The following NAV2 variants were observed in gnomAD, a reference collection of about 807,000 sequenced individuals.
The protein encoded by NAV2 is helicase, APC down-regulated 1.
In NAV2, 54 loss-of-function variants were observed where a neutral mutation model predicts 223.2. The ratio of observed to expected loss-of-function variants is 0.24; its 90% CI spans 0.19 to 0.30. NAV2 has a LOEUF of 0.30. Among genes scored for constraint, NAV2 ranks in the 10% least tolerant of loss-of-function variants. The probability of loss-of-function intolerance (pLI) is 1.00; values close to 1 mark genes in which losing one functional copy is unlikely to be tolerated. For synonymous variants in NAV2, 1,279 were observed against 1,239.3 expected, an observed-to-expected ratio of 1.03 and a Z score of -0.67; for missense variants, 2,806 against 3,147.5, an observed-to-expected ratio of 0.89 and a Z score of 2.60.
intron 1 of NAV2, among the ~76,000 whole-genome samples, chr11:19,599,493 T>C (rs1180372172): frequency 6.6e-6 from 1 of 152,228 alleles, no homozygotes; most frequent in East Asian, 1.9e-4. Flanking sequence ...AGGCGTTCTT[T>C]GAAGGTACAA....
Position 19,553,587 on chromosome 11 carries a change from C to T in NAV2, c.75+202560C>T, listed in dbSNP as rs73420194. On this transcript the variant is annotated intron_variant, in intron 1 of 37. Coordinates refer to the NAV2 transcript ENST00000360655. ...GGCACTGACCAGCTGATTTTCAATG[C>T]CTAGGAAATGGGAGCTTGGGCTGCG... is the stretch of plus-strand genomic sequence containing the variant. 5.0e-3 allele frequency among the ~76,000 whole-genome samples: 766 copies of T among 152,332 alleles called. 8 individuals are homozygous for T. The highest frequency in any genetic ancestry group is 0.018 in the African/African-American group (735 of 41,576).
intron 1 of NAV2, among the ~76,000 whole-genome samples, chr11:19,570,738 C>T (rs1397955752): frequency 6.6e-6 from 1 of 152,134 alleles, no homozygotes; most frequent in African/African-American, 2.4e-5. Flanking sequence ...CATGAAATAC[C>T]ACTTCACACA....
intron 1 of NAV2, among the ~76,000 whole-genome samples, chr11:19,490,851 T>C (rs1009817938): frequency 1.3e-5 from 2 of 152,208 alleles, no homozygotes; most frequent in African/African-American, 4.8e-5. Flanking sequence ...TATAGCCTTT[T>C]GAAATGTATT....
intron 1 of NAV2, among the ~76,000 whole-genome samples, chr11:19,621,987 TTA>T (rs1255068650): frequency 6.6e-6 from 1 of 152,244 alleles, no homozygotes; most frequent in Non-Finnish European, 1.5e-5. Flanking sequence ...AAGAACATCT[TTA>T]TCTCTGCCTT....
At chr11:19,918,830 G>A (rs565909855) in intron 6 of NAV2, among the ~76,000 whole-genome samples, 20 of 152,168 alleles carry the variant, frequency 1.3e-4, no homozygotes, top group Middle Eastern at 3.4e-3. Context: ...ACTTGCCCTC[G>A]GACTGAGTTA....
chr11:19,493,794 G>A (rs1235052178), intron 1 of NAV2, among the ~76,000 whole-genome samples: 2 of 152,208 alleles, frequency 1.3e-5, no homozygotes, highest in Non-Finnish European at 2.9e-5. Context: ...CCTGGAGGAA[G>A]TGCTCTGAAC....
chr11:19,418,436 G>A (rs1016861149), intron 1 of NAV2, among the ~76,000 whole-genome samples: 12 of 152,180 alleles, frequency 7.9e-5, no homozygotes, highest in Non-Finnish European at 1.2e-4. Context: ...TCTCACCTTG[G>A]GCTTGGATGA....
intron 1 of NAV2, among the ~76,000 whole-genome samples, chr11:19,507,514 G>C (rs2043158196): frequency 6.6e-6 from 1 of 152,116 alleles, no homozygotes; most frequent in African/African-American, 2.4e-5. Context: ...TTGGAGCCTG[G>C]GTTTGAATCT....
Position 19,893,190 on chromosome 11 carries a change from G to GA in NAV2, c.931+601dup, listed in dbSNP as rs377556263. Among the ~76,000 whole-genome samples, 546 of 151,340 alleles carry GA rather than the reference G, an allele frequency of 3.6e-3. 2 individuals are homozygous for GA. Among genetic ancestry groups the GA allele is most frequent in the African/African-American group, 0.013 (518 of 41,202 alleles). ...CACAGTACTGAGTTTTTAGGATGGA[G>GA]AAAAATAGTGAATAGTCCCATGGGG... On this transcript the variant is annotated intron_variant, in intron 6 of 37. Transcript: ENST00000349880.
intron 1 of NAV2, among the ~76,000 whole-genome samples, chr11:19,824,155 T>C (rs563211241): frequency 2.4e-4 from 37 of 152,334 alleles, no homozygotes; most frequent in Admixed American, 5.2e-4. Flanking sequence ...TAACCACTTA[T>C]ATGATCTCAT....
At chr11:19,367,493 T>C (rs1459275863) in intron 1 of NAV2, among the ~76,000 whole-genome samples, 1 of 152,226 alleles carries the variant, frequency 6.6e-6, no homozygotes, top group Non-Finnish European at 1.5e-5. Flanking sequence ...CAAGAACTAT[T>C]CATCCAAACA....
intron 7 of NAV2, among the ~76,000 whole-genome samples, chr11:19,936,349 GT>G (rs2045903609): frequency 6.6e-6 from 1 of 151,590 alleles, no homozygotes; most frequent in Admixed American, 6.6e-5. Flanking sequence ...TTCTTTTTTT[GT>G]TGTTCGCTAT....
Position 20,118,500 on chromosome 11 carries a change from T to C in NAV2, c.*242T>C, listed in dbSNP as rs754241487. ...CTTCTGTTGTACTTTAATTATTGTT[T>C]TGCCTTGTTGCTGTGACCTCCCTAA... On this transcript the variant is annotated 3_prime_UTR_variant, in exon 38 of 38. Transcript: ENST00000349880. 2.2e-6 allele frequency: 1 copy of C among 444,972 alleles called. No homozygotes were observed. The highest frequency in any genetic ancestry group is 4.0e-6 in the Non-Finnish European group (1 of 247,296). The allele number at this position is 444,972 out of a possible 1,614,324, so 27.6% of individuals were successfully genotyped here.
rs2061614035 is a variant in NAV2 at position 20,101,234 on chromosome 11, A to G, written c.6417+62A>G. The stretch of plus-strand genomic sequence containing the variant: ...CCCTTTCAAAACTGATGATATCACC[A>G]CTAGCCTGAAGGGAAAGCAGCATTT... On this transcript the variant is annotated intron_variant, in intron 32 of 37. Transcript: ENST00000349880. 5 of 1,272,504 alleles carry G rather than the reference A, an allele frequency of 3.9e-6. No individual in the cohort carries two copies. In the South Asian group the frequency reaches 4.0e-5, roughly 10 times the overall value. The allele number at this position is 1,272,504 out of a possible 1,614,324, so 78.8% of individuals were successfully genotyped here.
chr11:19,355,434 G>C (rs995106260), intron 1 of NAV2, among the ~76,000 whole-genome samples: 1 of 152,090 alleles, frequency 6.6e-6, no homozygotes, highest in African/African-American at 2.4e-5. Flanking sequence ...TGGCTGAACT[G>C]CTCTGGATCT....
intron 8 of NAV2, among the ~76,000 whole-genome samples, chr11:19,945,029 CTTT>C (rs1793130830): frequency 7.1e-6 from 1 of 141,514 alleles, no homozygotes; most frequent in Non-Finnish European, 1.5e-5. Context: ...TTTCTTTCTT[CTTT>C]CTTTTTCTTT....
intron 6 of NAV2, among the ~76,000 whole-genome samples, chr11:19,924,214 T>C (rs943205874): frequency 6.6e-6 from 1 of 151,984 alleles, no homozygotes; most frequent in Non-Finnish European, 1.5e-5. Context: ...CTTTATAACA[T>C]TACGTGGGAT....
At chr11:19,861,916 A>G (rs903170355) in intron 3 of NAV2, among the ~76,000 whole-genome samples, 1 of 152,246 alleles carries the variant, frequency 6.6e-6, no homozygotes, top group Non-Finnish European at 1.5e-5. Context: ...TCTCTAAAAG[A>G]GAACAGAGTT....
chr11:19,842,756 A>G (rs756897337), intron 2 of NAV2, 115 bp from the exon 3 acceptor site: 8 of 872,048 alleles, frequency 9.2e-6, no homozygotes, highest in Non-Finnish European at 1.3e-5. Flanking sequence ...GCCTGCACTG[A>G]TTGGACAAAC....
Sources: allele counts gnomAD v4.1 joint callset (sites outside exome capture counted in the v4.1 genomes callset), GRCh38; gene constraint gnomAD v4.1.1; transcripts MANE v1.5; gene names NCBI Gene and HGNC (gene_info 2026-07-23, HGNC 2026-07-21).